CATSPERB: variants seen among roughly 807,000 people sequenced by gnomAD.
CATSPERB encodes the protein catsper channel auxiliary subunit beta.
In CATSPERB, 93 loss-of-function variants were observed where a neutral mutation model predicts 128.3. That is an observed-to-expected ratio of 0.72 (90% CI 0.61 to 0.86). The LOEUF (loss-of-function observed/expected upper bound fraction) is 0.86. Ranked by LOEUF, CATSPERB falls within the 40% of genes least tolerant of loss-of-function variation. The pLI, the probability that CATSPERB is intolerant of heterozygous loss-of-function variation, is 0.00. For missense variants in CATSPERB, 1,153 were observed against 1,329.5 expected (o/e 0.87, Z 2.06); for synonymous variants, 381 against 448.8 (o/e 0.85, Z 1.91).
intron 19 of CATSPERB, 108 bp downstream of exon 19, chr14:91,621,500 C>A (rs1894040678): frequency 2.3e-6 from 2 of 872,852 alleles, no homozygotes; most frequent in Non-Finnish European, 3.5e-6. Context: ...AGAATGCCAA[C>A]AAGTATGGGA....
rs1285179697 is a variant in CATSPERB at position 91,608,388 on chromosome 14, G to T, written c.2615C>A (p.Pro872Gln). Residue 872 changes from proline to glutamine, a missense_variant, in exon 22 of 27, where the codon CCA becomes CAA. Pro to Gln is a moderately conservative substitution (Grantham distance 76). Transcript: ENST00000256343. ...IKTLPINYRP[P>Q]SNMGIAIPLT... ...TGGAATAGCAATTCCCATATTAGAT[G>T]GAGGCCTGTAGTTTATCTGCAAGTG... The T allele has an allele frequency of 6.3e-7, 1 of 1,594,980 alleles. No homozygotes were observed. The highest frequency in any genetic ancestry group is 1.3e-5 in the African/African-American group (1 of 74,498).
intron 9 of CATSPERB, among the ~76,000 whole-genome samples, chr14:91,691,903 G>A (rs189617596): frequency 3.3e-5 from 5 of 152,258 alleles, no homozygotes; most frequent in Admixed American, 3.3e-4. Flanking sequence ...GGTGGGCCTG[G>A]CACGGTGGCT....
intron 3 of CATSPERB, 24 bp from the exon 4 acceptor site, chr14:91,723,213 AAAC>A: frequency 2.0e-6 from 3 of 1,483,760 alleles, no homozygotes; most frequent in Non-Finnish European, 2.7e-6. Flanking sequence ...AGAAAAAAAA[AAAC>A]AACTAATAAC....
intron 11 of CATSPERB, among the ~76,000 whole-genome samples, chr14:91,680,930 A>G (rs1367531689): frequency 6.6e-6 from 1 of 152,154 alleles, no homozygotes; most frequent in Non-Finnish European, 1.5e-5. Context: ...TATGATTTAG[A>G]CACTACTATT....
chr14:91,684,002 A>G (rs1238671843), intron 10 of CATSPERB, 59 bp from the exon 11 acceptor site: 7 of 1,253,770 alleles, frequency 5.6e-6, no homozygotes, highest in Non-Finnish European at 6.7e-6. Context: ...ATCTTAAGAT[A>G]TAAGATAGAA....
intron 22 of CATSPERB, among the ~76,000 whole-genome samples, chr14:91,607,847 T>C (rs1893741059): frequency 6.6e-6 from 1 of 151,860 alleles, no homozygotes; most frequent in South Asian, 2.1e-4. Context: ...CTCCCTTGTC[T>C]CCCTCCCTCC....
At chr14:91,708,731 G>C (rs898666474) in intron 5 of CATSPERB, among the ~76,000 whole-genome samples, 8 of 152,152 alleles carry the variant, frequency 5.3e-5, no homozygotes, top group African/African-American at 1.9e-4. Context: ...AACCTGCAAG[G>C]TGGTAGATTT....
intron 17 of CATSPERB, among the ~76,000 whole-genome samples, chr14:91,628,312 AATAAT>A (rs1384822129): frequency 6.6e-6 from 1 of 152,192 alleles, no homozygotes; most frequent in Non-Finnish European, 1.5e-5. Flanking sequence ...AAAAATCTCT[AATAAT>A]ATAACAATAA....
chr14:91,605,913 C>T (rs1244064820), intron 22 of CATSPERB, among the ~76,000 whole-genome samples: 2 of 152,206 alleles, frequency 1.3e-5, no homozygotes, highest in Non-Finnish European at 2.9e-5. Flanking sequence ...CTGTGGCTCA[C>T]GCCTGTAATC....
intron 15 of CATSPERB, among the ~76,000 whole-genome samples, chr14:91,657,344 C>T (rs902742361): frequency 6.6e-6 from 1 of 151,942 alleles, no homozygotes; most frequent in African/African-American, 2.4e-5. Context: ...CCTCTTTCTC[C>T]ACACACAAAA....
chr14:91,619,911 G>T (rs918489186), intron 19 of CATSPERB, among the ~76,000 whole-genome samples: 1 of 117,948 alleles, frequency 8.5e-6, no homozygotes, highest in Non-Finnish European at 1.8e-5. Flanking sequence ...GTGTGTGTGT[G>T]TTTTAATAGA....
intron 1 of CATSPERB, among the ~76,000 whole-genome samples, chr14:91,729,809 T>C (rs1322304188): frequency 6.6e-6 from 1 of 152,202 alleles, no homozygotes; most frequent in African/African-American, 2.4e-5. Flanking sequence ...CTGAGGATGA[T>C]ACAGCTGTAA....
rs958680047 is a variant in CATSPERB at position 91,625,848 on chromosome 14, G to A, written c.1743-841C>T. Among the ~76,000 whole-genome samples the A allele has an allele frequency of 8.7e-4, 133 of 152,254 alleles. 2 individuals are homozygous for A. Among genetic ancestry groups the A allele is most frequent in the Admixed American group, 8.6e-3 (131 of 15,298 alleles). ...TCATCACAAAAATTAACTCTAGGCCGGGTGCAGTGGCTCACACCGGTAATC... is the reference window on the plus strand; with the variant it reads ...TCATCACAAAAATTAACTCTAGGCCAGGTGCAGTGGCTCACACCGGTAATC... On this transcript the variant is annotated intron_variant, in intron 17 of 26. Coordinates refer to ENST00000256343, the MANE Select transcript of CATSPERB (RefSeq NM_024764.4).
At position 91,587,266 on chromosome 14, in the gene CATSPERB, A is replaced by T. The variant is rs1264428691; in HGVS notation, c.3068T>A (p.Leu1023His). ...AATGACGGTCACTCTAAAGTGGAAA[A>T]GTTCAGAGCCCTGTGGAAAAAAGCA... ...GLNLSIKGSE[L>H]FHFRVTVISG... Residue 1023 changes from leucine to histidine, a missense_variant, in exon 26 of 27, where the codon CTT becomes CAT. Leu to His is a moderately conservative substitution (Grantham distance 99). Transcript: ENST00000256343. The T allele has an allele frequency of 1.9e-6, 3 of 1,605,510 alleles. No individual in the cohort carries two copies. The highest frequency in any genetic ancestry group is 2.7e-5 in the African/African-American group (2 of 74,224).
intron 10 of CATSPERB, among the ~76,000 whole-genome samples, chr14:91,691,246 A>G (rs1895466162): frequency 6.6e-6 from 1 of 152,178 alleles, no homozygotes; most frequent in African/African-American, 2.4e-5. Flanking sequence ...TGGACATAGC[A>G]TAGGAAACGG....
intron 15 of CATSPERB, among the ~76,000 whole-genome samples, chr14:91,653,016 A>C (rs965868): frequency 0.19 from 29,546 of 152,138 alleles, 3,078 homozygotes; most frequent in African/African-American, 0.25. Context: ...CAAACAAGGA[A>C]GGACCAATAG....
chr14:91,627,935 A>G (rs1390514770), intron 17 of CATSPERB, among the ~76,000 whole-genome samples: 1 of 152,184 alleles, frequency 6.6e-6, no homozygotes. Flanking sequence ...CTATGATTGC[A>G]CCACTGCACT....
chr14:91,619,243 G>A (rs1053782890), intron 19 of CATSPERB, among the ~76,000 whole-genome samples: 1 of 152,114 alleles, frequency 6.6e-6, no homozygotes, highest in Non-Finnish European at 1.5e-5. Context: ...GGATGCATTA[G>A]TGAATAAATA....
At chr14:91,651,154 G>A (rs1949042477) in intron 15 of CATSPERB, among the ~76,000 whole-genome samples, 1 of 152,106 alleles carries the variant, frequency 6.6e-6, no homozygotes, top group Non-Finnish European at 1.5e-5. Context: ...ACTCCTGATT[G>A]GGCTTGGCAA....
Sources: gnomAD v4.1 joint callset for allele counts (sites outside exome capture counted in the v4.1 genomes callset) on GRCh38, gnomAD v4.1.1 for gene constraint, MANE v1.5 for transcripts, NCBI Gene and HGNC (gene_info 2026-07-23, HGNC 2026-07-21) for gene names.